Variants in FHIT observed in about 807,000 individuals in gnomAD.
The protein encoded by FHIT is fragile histidine triad diadenosine triphosphatase, also known as bis(5'-adenosyl)-triphosphatase.
FHIT carries 19 observed loss-of-function variants against 17.9 expected under a neutral mutation model. The ratio of observed to expected loss-of-function variants is 1.06; its 90% CI spans 0.74 to 1.56. FHIT has a LOEUF of 1.56. FHIT is among the 40% of genes most tolerant of loss of function. FHIT has a pLI of 0.00. For missense variants in FHIT, 248 were observed against 189.2 expected (o/e 1.31, Z -1.82); for synonymous variants, 81 against 69.7 (o/e 1.16, Z -0.81).
chr3:61,189,056 C>A (rs964032093), intron 2 of FHIT, among the ~76,000 whole-genome samples: 2 of 152,026 alleles, frequency 1.3e-5, no homozygotes, highest in African/African-American at 4.8e-5. Context: ...CACTCCTATT[C>A]AACACAGTGT....
Position 60,506,143 on chromosome 3 carries a change from A to G in FHIT, c.103+30717T>C, listed in dbSNP as rs561056229. On this transcript the variant is annotated intron_variant, in intron 5 of 9. Transcript: ENST00000492590. ...TGATTTCTCACAGACAATATAATTG[A>G]GCTTTCCATGTTATTTTACAGTTCT... Among the ~76,000 whole-genome samples, 12 of 152,280 alleles carry G rather than the reference A, an allele frequency of 7.9e-5. No individual in the cohort carries two copies. The Middle Eastern group carries it at 0.014, about 173-fold the overall frequency.
chr3:60,021,626 T>G (rs755313284), intron 5 of FHIT, among the ~76,000 whole-genome samples: 1 of 152,192 alleles, frequency 6.6e-6, no homozygotes, highest in Non-Finnish European at 1.5e-5. Context: ...TGATAATCAA[T>G]AACCCTTTGA....
chr3:59,882,036 A>T (rs558554317), intron 8 of FHIT, among the ~76,000 whole-genome samples: 1 of 152,224 alleles, frequency 6.6e-6, no homozygotes, highest in Admixed American at 6.5e-5. Context: ...TCACTAAAAT[A>T]GTACTTTTTC....
intron 5 of FHIT, among the ~76,000 whole-genome samples, chr3:60,297,683 C>A (rs1708274385): frequency 6.6e-6 from 1 of 152,010 alleles, no homozygotes. Context: ...TTAAAAGTAT[C>A]AGAACTTGCG....
intron 5 of FHIT, among the ~76,000 whole-genome samples, chr3:60,068,073 T>TA (rs1422836472): frequency 2.6e-5 from 4 of 151,706 alleles, no homozygotes; most frequent in Admixed American, 6.6e-5. Flanking sequence ...CCGTCTCTAC[T>TA]AAAAAAACAA....
intron 7 of FHIT, among the ~76,000 whole-genome samples, chr3:59,951,376 G>A (rs1238671850): frequency 6.6e-6 from 1 of 152,202 alleles, no homozygotes; most frequent in African/African-American, 2.4e-5. Context: ...AGGGTCATCT[G>A]AGTTGACAAC....
At position 59,749,298 on chromosome 3, in the gene FHIT, C is replaced by T. The variant is rs757289965; in HGVS notation, c.*287G>A. The T allele has an allele frequency of 3.0e-5, 7 of 230,796 alleles. No individual in the cohort carries two copies. The highest frequency in any genetic ancestry group is 1.2e-4 in the East Asian group (2 of 16,348). 14.3% of individuals were successfully genotyped at this position (230,796 alleles called of 1,614,324 possible). On this transcript the variant is annotated 3_prime_UTR_variant, in exon 10 of 10. Transcript: ENST00000492590. ...CCTAATTCATGGCAAGTCAATACAC[C>T]GAGACACAGGGTTGCAGCAGAGAAG...
At chr3:60,379,113 G>A (rs1356403885) in intron 5 of FHIT, among the ~76,000 whole-genome samples, 1 of 152,166 alleles carries the variant, frequency 6.6e-6, no homozygotes, top group Non-Finnish European at 1.5e-5. Flanking sequence ...ACTATGAGGA[G>A]AACCGCTAAA....
intron 3 of FHIT, among the ~76,000 whole-genome samples, chr3:61,022,346 T>C (rs986815015): frequency 1.3e-5 from 2 of 152,222 alleles, no homozygotes; most frequent in Admixed American, 1.3e-4. Context: ...ATTGAGGCAG[T>C]AATTAATAGC....
At position 61,112,588 on chromosome 3, in the gene FHIT, T is replaced by C. The variant is rs76321115; in HGVS notation, c.-163-70489A>G. ...TTGAGTCATTATGATCATCAGCTGT[T>C]CTGATTTGCAAGCAGTTCCTAATTG... On this transcript the variant is annotated intron_variant, in intron 2 of 9. Coordinates refer to ENST00000492590, the MANE Select transcript of FHIT (RefSeq NM_002012.4). Among the ~76,000 whole-genome samples the C allele has an allele frequency of 7.7e-3, 1,177 of 152,294 alleles. 17 individuals carry two copies. Among genetic ancestry groups the C allele is most frequent in the African/African-American group, 0.027 (1,125 of 41,576 alleles).
chr3:61,174,308 T>A (rs964351573), intron 2 of FHIT, among the ~76,000 whole-genome samples: 2 of 152,160 alleles, frequency 1.3e-5, no homozygotes, highest in African/African-American at 4.8e-5. Context: ...TCTTACAGAG[T>A]CTCAAAACCA....
At chr3:60,094,357 C>A (rs1046119383) in intron 5 of FHIT, among the ~76,000 whole-genome samples, 3 of 152,148 alleles carry the variant, frequency 2.0e-5, no homozygotes, top group Non-Finnish European at 4.4e-5. Flanking sequence ...TCTGCTTCAT[C>A]TGACTCCTCA....
chr3:60,418,376 GTATATATATATATATATATATATATATA>G (rs869203310), intron 5 of FHIT, among the ~76,000 whole-genome samples: 4 of 14,936 alleles, frequency 2.7e-4, no homozygotes, highest in African/African-American at 8.3e-4. Flanking sequence ...CTGAATGTGT[GTATATATATATATATATATATATATATA>G]TATATATATA....
intron 4 of FHIT, among the ~76,000 whole-genome samples, chr3:60,627,928 C>G (rs2039336528): frequency 6.6e-6 from 1 of 152,142 alleles, no homozygotes; most frequent in African/African-American, 2.4e-5. Flanking sequence ...TGAACCAACT[C>G]TGGTTACATT....
intron 3 of FHIT, among the ~76,000 whole-genome samples, chr3:60,890,982 A>C (rs2107174410): frequency 6.6e-6 from 1 of 152,340 alleles, no homozygotes; most frequent in South Asian, 2.1e-4. Flanking sequence ...ATTCGTCAAT[A>C]GGTTGAAGAT....
At chr3:60,689,567 G>C (rs2040940482) in intron 4 of FHIT, among the ~76,000 whole-genome samples, 1 of 152,134 alleles carries the variant, frequency 6.6e-6, no homozygotes, top group Non-Finnish European at 1.5e-5. Flanking sequence ...GACAGTACTT[G>C]GTGATTTAGA....
At chr3:60,801,632 A>G (rs894448306) in intron 4 of FHIT, among the ~76,000 whole-genome samples, 3 of 152,268 alleles carry the variant, frequency 2.0e-5, no homozygotes, top group South Asian at 2.1e-4. Context: ...GACCAAGGTT[A>G]TGCAAAAGAG....
intron 7 of FHIT, among the ~76,000 whole-genome samples, chr3:59,968,449 A>AAAAACT (rs1708031248): frequency 6.6e-6 from 1 of 151,362 alleles, no homozygotes; most frequent in Non-Finnish European, 1.5e-5. Context: ...AAACAAAAAC[A>AAAAACT]AAAAAAGACA....
chr3:60,349,849 A>G lies in FHIT; in HGVS notation c.103+187011T>C, dbSNP rs1710995060. ...TATATGATTATCATATTTATAACTA[A>G]CATCACATAGCCCCTTCCAGACTGT... On this transcript the variant is annotated intron_variant, in intron 5 of 9. Coordinates refer to ENST00000492590, the MANE Select transcript of FHIT (RefSeq NM_002012.4). 2.6e-5 allele frequency among the ~76,000 whole-genome samples: 4 copies of G among 152,160 alleles called. No homozygotes were observed. In the South Asian group the frequency reaches 6.2e-4, roughly 24 times the overall value.
Sources: allele counts gnomAD v4.1 joint callset (sites outside exome capture counted in the v4.1 genomes callset), GRCh38; gene constraint gnomAD v4.1.1; transcripts MANE v1.5; gene names NCBI Gene and HGNC (gene_info 2026-07-23, HGNC 2026-07-21).